Variants in CACNA1B observed in about 807,000 individuals in gnomAD.
The protein encoded by CACNA1B is calcium voltage-gated channel subunit alpha1 B.
A neutral mutation model predicts 247.2 loss-of-function variants in CACNA1B; 70 were observed. The ratio of observed to expected loss-of-function variants is 0.28; its 90% CI spans 0.23 to 0.35. CACNA1B has a LOEUF of 0.35. CACNA1B is among the 10% of genes least tolerant of loss of function. The probability of loss-of-function intolerance (pLI) is 1.00; values close to 1 mark genes in which losing one functional copy is unlikely to be tolerated. For missense variants in CACNA1B, 2,367 were observed against 3,197.4 expected (o/e 0.74, Z 6.26); for synonymous variants, 1,231 against 1,294.4 (o/e 0.95, Z 1.05).
At chr9:138,077,372 A>T (rs776204989) in intron 35 of CACNA1B, among the ~76,000 whole-genome samples, 12 of 152,188 alleles carry the variant, frequency 7.9e-5, no homozygotes, top group Non-Finnish European at 1.6e-4. Context: ...GTGTTCAAGG[A>T]CCAGCAGAGG....
rs546477506 is a variant in CACNA1B at position 137,887,133 on chromosome 9, C to T, written c.530+4250C>T. Among the ~76,000 whole-genome samples, 636 of 152,060 alleles carry T rather than the reference C, an allele frequency of 4.2e-3. 1 individual carries two copies. Among genetic ancestry groups the T allele is most frequent in the Middle Eastern group, 0.027 (8 of 294 alleles). On this transcript the variant is annotated intron_variant, in intron 3 of 46. Transcript: ENST00000371372. ...GCAGCGGAGGTGTGCCTGGCGTAGA[C>T]GGTGTTCTAGGAAGGAAGAGCATGC...
At chr9:137,980,873 T>C (rs1202136584) in intron 12 of CACNA1B, among the ~76,000 whole-genome samples, 1 of 152,236 alleles carries the variant, frequency 6.6e-6, no homozygotes, top group Non-Finnish European at 1.5e-5. Context: ...CCATGGTGTA[T>C]ATATAATGCA....
chr9:137,949,533 C>CTG (rs953340551), intron 6 of CACNA1B, among the ~76,000 whole-genome samples: 24 of 148,648 alleles, frequency 1.6e-4, no homozygotes, highest in South Asian at 6.4e-4. Context: ...TGATGTGTGT[C>CTG]TGTGTGTGTG....
rs1960625897 is a variant in CACNA1B at position 138,084,361 on chromosome 9, G to A, written c.5094+6103G>A. On this transcript the variant is annotated intron_variant, in intron 36 of 46. Transcript: ENST00000371372. ...CCTCAGCTAAGTCTTCCCATTGTGGGGAAAACAAAAATAACAGGACCCCAA... is the reference window on the plus strand; with the variant it reads ...CCTCAGCTAAGTCTTCCCATTGTGGAGAAAACAAAAATAACAGGACCCCAA... 1.3e-5 allele frequency among the ~76,000 whole-genome samples: 2 copies of A among 151,122 alleles called. 1 individual carries two copies. The highest frequency in any genetic ancestry group is 4.9e-5 in the African/African-American group (2 of 40,854).
intron 12 of CACNA1B, among the ~76,000 whole-genome samples, chr9:137,983,847 G>C (rs1298806083): frequency 1.4e-5 from 2 of 139,572 alleles, no homozygotes; most frequent in Non-Finnish European, 3.0e-5. Context: ...CTGCCAGGAA[G>C]CCAGCAGGCC....
intron 38 of CACNA1B, among the ~76,000 whole-genome samples, chr9:138,104,254 C>G (rs1961349776): frequency 1.3e-5 from 2 of 152,246 alleles, no homozygotes; most frequent in African/African-American, 2.4e-5. Flanking sequence ...TCCTGAGATT[C>G]TTGGCCCTTT....
intron 15 of CACNA1B, among the ~76,000 whole-genome samples, chr9:137,993,759 T>C (rs1290994013): frequency 1.3e-5 from 2 of 152,184 alleles, no homozygotes; most frequent in African/African-American, 4.8e-5. Flanking sequence ...AGCAAAATTC[T>C]ATCAGACATT....
At chr9:138,029,841 C>G (rs1958967283) in intron 20 of CACNA1B, among the ~76,000 whole-genome samples, 1 of 152,148 alleles carries the variant, frequency 6.6e-6, no homozygotes, top group African/African-American at 2.4e-5. Context: ...TTTCGAACTC[C>G]TGACCTCAAG....
chr9:137,984,005 G>C, intron 12 of CACNA1B, 133 bp from the exon 13 acceptor site: 1 of 688,350 alleles, frequency 1.5e-6, no homozygotes, highest in Non-Finnish European at 2.6e-6. Context: ...TACCATATCT[G>C]GCTTGATTGT....
At chr9:138,042,865 T>G (rs1485427834) in intron 20 of CACNA1B, among the ~76,000 whole-genome samples, 1 of 152,184 alleles carries the variant, frequency 6.6e-6, no homozygotes, top group Non-Finnish European at 1.5e-5. Flanking sequence ...ATTAGCACCT[T>G]CACTTTGTTG....
At chr9:138,053,453 C>T (rs1045797433) in intron 25 of CACNA1B, among the ~76,000 whole-genome samples, 1 of 152,166 alleles carries the variant, frequency 6.6e-6, no homozygotes, top group African/African-American at 2.4e-5. Flanking sequence ...TGGGGGCCAC[C>T]TGGGCCTCAG....
chr9:138,099,913 AC>A (rs1338938486), intron 37 of CACNA1B, among the ~76,000 whole-genome samples: 1 of 152,132 alleles, frequency 6.6e-6, no homozygotes, highest in Non-Finnish European at 1.5e-5. Context: ...TTCTGTGTCC[AC>A]CCATCTGTCT....
intron 15 of CACNA1B, among the ~76,000 whole-genome samples, chr9:138,002,968 T>TTTTTGTA (rs1564232060): frequency 3.3e-5 from 5 of 151,788 alleles, no homozygotes; most frequent in Admixed American, 6.5e-5. Context: ...GCCCAGCTAA[T>TTTTTGTA]TTTTGTATTT....
intron 12 of CACNA1B, among the ~76,000 whole-genome samples, chr9:137,978,178 A>C (rs560042531): frequency 5.6e-5 from 7 of 125,256 alleles, no homozygotes; most frequent in African/African-American, 2.2e-4. Context: ...AAGGAGTGAC[A>C]GGTGGGAGCA....
chr9:138,027,260 A>AAAC (rs1399826144), intron 20 of CACNA1B, among the ~76,000 whole-genome samples: 1 of 152,168 alleles, frequency 6.6e-6, no homozygotes, highest in Non-Finnish European at 1.5e-5. Flanking sequence ...CGATTGCTAA[A>AAAC]AACAACTGAT....
At chr9:137,933,151 C>T (rs1199238114) in intron 6 of CACNA1B, among the ~76,000 whole-genome samples, 1 of 152,032 alleles carries the variant, frequency 6.6e-6, no homozygotes, top group East Asian at 1.9e-4. Flanking sequence ...CCAGAATGGT[C>T]TCAAATCTTC....
At position 137,886,198 on chromosome 9, in the gene CACNA1B, G is replaced by A. The variant is rs369999902; in HGVS notation, c.530+3315G>A. ...ACCGTGCTACCAGGGTGGGGTCGGG[G>A]CTGAGCCGGCTCCCCACACAGAGTG... On this transcript the variant is annotated intron_variant, in intron 3 of 46. Coordinates refer to ENST00000371372, the MANE Select transcript of CACNA1B (RefSeq NM_000718.4). 6.6e-4 allele frequency among the ~76,000 whole-genome samples: 101 copies of A among 151,900 alleles called. 2 individuals carry two copies. Among genetic ancestry groups the A allele is most frequent in the African/African-American group, 2.2e-3 (93 of 41,372 alleles).
At position 138,102,860 on chromosome 9, in the gene CACNA1B, G is replaced by T; in HGVS notation, c.5319+53G>T. ...CCAGGAGGCTGTGTGTGCTTGCTGA[G>T]GGGTGCTTGCTGGCTCTCCCAGCTC... On this transcript the variant is annotated intron_variant, in intron 38 of 46. Coordinates refer to ENST00000371372, the MANE Select transcript of CACNA1B (RefSeq NM_000718.4). The surrounding 1 kb of genome is among the most constrained non-coding windows in gnomAD (Gnocchi z 5.4). The T allele has an allele frequency of 8.5e-7, 1 of 1,174,862 alleles. No homozygotes were observed. Among genetic ancestry groups the T allele is most frequent in the Non-Finnish European group, 1.2e-6 (1 of 800,042 alleles). 72.8% of individuals were successfully genotyped at this position (1,174,862 alleles called of 1,614,324 possible).
intron 6 of CACNA1B, among the ~76,000 whole-genome samples, chr9:137,936,911 C>T (rs925059742): frequency 1.3e-5 from 2 of 152,142 alleles, no homozygotes; most frequent in African/African-American, 4.8e-5. Context: ...AGTCAGGTAG[C>T]GTGACGCTTC....
Sources: gnomAD v4.1 joint callset for allele counts (sites outside exome capture counted in the v4.1 genomes callset) on GRCh38, gnomAD v4.1.1 for gene constraint, Gnocchi (gnomAD v3.1) non-coding constraint, MANE v1.5 for transcripts, NCBI Gene and HGNC (gene_info 2026-07-23, HGNC 2026-07-21) for gene names.